The following SPC24 variants were observed in gnomAD, a reference collection of about 807,000 sequenced individuals.
SPC24 encodes the protein kinetochore protein Spc24.
Under a neutral mutation model 27.6 loss-of-function variants are expected in SPC24, and 31 were observed. The ratio of observed to expected loss-of-function variants is 1.12; its 90% CI spans 0.84 to 1.52. SPC24 has a LOEUF of 1.52. Among genes scored for constraint, SPC24 ranks in the 40% most tolerant of loss-of-function variants. SPC24 has a pLI of 0.00. For missense variants in SPC24, 284 were observed against 252.5 expected, an observed-to-expected ratio of 1.12 and a Z score of -0.84; for synonymous variants, 105 against 105.8, an observed-to-expected ratio of 0.99 and a Z score of 0.05.
chr19:11,155,544 G>A (rs955088638), intron 1 of SPC24, 73 bp downstream of exon 1: 34 of 1,471,580 alleles, frequency 2.3e-5, no homozygotes, highest in Non-Finnish European at 2.7e-5. Context: ...GGGTTTTGAG[G>A]TGGGCCTGGT....
chr19:11,151,228 A>G (rs931991589), intron 1 of SPC24, among the ~76,000 whole-genome samples: 1 of 150,642 alleles, frequency 6.6e-6, no homozygotes, highest in Non-Finnish European at 1.5e-5. Context: ...AACTTACATT[A>G]TTTTTAATCA....
At position 11,147,288 on chromosome 19, in the gene SPC24, G is replaced by A. The variant is rs771902851; in HGVS notation, c.489C>T (p.Ile163=). 1 of 1,562,654 alleles carries A rather than the reference G, an allele frequency of 6.4e-7. No homozygotes were observed. Among genetic ancestry groups the A allele is most frequent in the African/African-American group, 1.4e-5 (1 of 73,740 alleles). The change falls in exon 5 of 5, where the codon ATC becomes ATT. Residue 163 remains isoleucine, a splice_region_variant and synonymous_variant. Coordinates refer to ENST00000592540, the MANE Select transcript of SPC24 (RefSeq NM_182513.4). ...GCTGGGCCACACTGGGGCCATGATG[G>A]ACTGAGGCACAGATGTAAGGAAAGC... ...YECEPGMVKG[I]HHGPSVAQPI...
rs750052220 is a variant in SPC24, at chr19:11,146,465, T to TTAAAAA, written c.*717_*718insTTTTTA. 1 of 43,072 alleles carries TTAAAAA rather than the reference T, an allele frequency of 2.3e-5. No individual in the cohort carries two copies. Among genetic ancestry groups the TTAAAAA allele is most frequent in the Non-Finnish European group, 3.9e-5 (1 of 25,318 alleles). The allele number at this position is 43,072 out of a possible 1,614,324, so 2.7% of individuals were successfully genotyped here. On this transcript the variant is annotated 3_prime_UTR_variant, in exon 5 of 5. Coordinates refer to ENST00000592540, the MANE Select transcript of SPC24 (RefSeq NM_182513.4). ...AAAATCAGGAGAAAAAGAAATCCAGTAAAAAAAAAAAAAAAAAAGGCCAGG... is the reference window on the plus strand; with the variant it reads ...AAAATCAGGAGAAAAAGAAATCCAGTTAAAAAAAAAAAAAAAAAAAAAAAGGCCAGG...
At chr19:11,154,187 G>A (rs1207311182) in intron 1 of SPC24, among the ~76,000 whole-genome samples, 1 of 152,168 alleles carries the variant, frequency 6.6e-6, no homozygotes, top group East Asian at 1.9e-4. Context: ...ATGGATGAAT[G>A]AATAAACACA....
rs761713632 is a variant in SPC24, at chr19:11,148,036, C to T, written c.387G>A (p.Thr129=). 55 of 1,613,760 alleles carry T rather than the reference C, an allele frequency of 3.4e-5. No homozygotes were observed. The highest frequency in any genetic ancestry group is 6.7e-5 in the East Asian group (3 of 44,878). ...ACACGGCCGAGGGGATTGTGACTGT[C>T]GTGTCCTCGTCGACCTCCTTCTCCT... ...ERQEKEVDED[T]TVTIPSAVYV... Residue 129 remains threonine (T), a synonymous_variant, in exon 3 of 5, where the codon ACG becomes ACA. Coordinates refer to ENST00000592540, the MANE Select transcript of SPC24 (RefSeq NM_182513.4).
chr19:11,152,823 G>C (rs910213830), intron 1 of SPC24, among the ~76,000 whole-genome samples: 1 of 152,006 alleles, frequency 6.6e-6, no homozygotes, highest in Non-Finnish European at 1.5e-5. Flanking sequence ...TCACATTCAG[G>C]ATAATATTCA....
In SPC24 at chr19:11,149,192, C is replaced by A. The variant is rs751263337; in HGVS notation, c.207G>T (p.Ala69=). ...CGCCTCCCTGGTGCACCTGCTCCTTCGCATTGAGAAGGCTCTGGGCCACTT... is the reference window on the plus strand; with the variant it reads ...CGCCTCCCTGGTGCACCTGCTCCTTAGCATTGAGAAGGCTCTGGGCCACTT... ...EKEVAQSLLN[A]KEQVHQGGVE... Residue 69 remains alanine, a synonymous_variant, in exon 2 of 5, where the codon GCG becomes GCT. Coordinates refer to ENST00000592540, the MANE Select transcript of SPC24 (RefSeq NM_182513.4). The A allele has an allele frequency of 7.1e-6, 11 of 1,550,764 alleles. No individual in the cohort carries two copies. In the South Asian group the frequency reaches 1.3e-4, roughly 18 times the overall value.
At chr19:11,147,770 C>T (rs199621762) in intron 4 of SPC24, 48 bp downstream of exon 4, 1 of 1,526,430 alleles carries the variant, frequency 6.6e-7, no homozygotes, top group Non-Finnish European at 9.0e-7. Context: ...CATTTTATGT[C>T]CCTACCTACA....
At chr19:11,149,008 A>G in intron 2 of SPC24, 86 bp downstream of exon 2, 1 of 1,314,802 alleles carries the variant, frequency 7.6e-7, no homozygotes, top group South Asian at 1.9e-5. Context: ...GGGCTTCCCA[A>G]AGTGCTGGGA....
Position 11,147,267 on chromosome 19 carries a change from G to A in SPC24, c.510C>T (p.Ala170=). 1 of 1,567,136 alleles carries A rather than the reference G, an allele frequency of 6.4e-7. No homozygotes were observed. Among genetic ancestry groups the A allele is most frequent in the East Asian group, 2.4e-5 (1 of 42,428 alleles). Residue 170 remains alanine, a synonymous_variant, in exon 5 of 5, where the codon GCC becomes GCT. Coordinates refer to ENST00000592540, the MANE Select transcript of SPC24 (RefSeq NM_182513.4). The part of the protein sequence containing the change: ...VKGIHHGPSV[A]QPIHLDSTQL... ...GGGTGCTGTCCAGGTGGATGGGCTGGGCCACACTGGGGCCATGATGGACTG... is the reference window on the plus strand; with the variant it reads ...GGGTGCTGTCCAGGTGGATGGGCTGAGCCACACTGGGGCCATGATGGACTG...
intron 1 of SPC24, among the ~76,000 whole-genome samples, chr19:11,150,429 T>C (rs2077862252): frequency 6.7e-6 from 1 of 150,268 alleles, no homozygotes; most frequent in African/African-American, 2.5e-5. Flanking sequence ...GAGGTTGCGG[T>C]GAGCCGACAT....
intron 1 of SPC24, 21 bp downstream of exon 1, chr19:11,155,596 C>T: frequency 6.5e-7 from 1 of 1,532,216 alleles, no homozygotes. Context: ...CGTGGGCCCG[C>T]GACCACGCTC....
Position 11,147,013 on chromosome 19 carries a change from G to A in SPC24, c.*170C>T. The A allele has an allele frequency of 2.3e-6, 1 of 432,100 alleles. No individual in the cohort carries two copies. The highest frequency in any genetic ancestry group is 4.2e-6 in the Non-Finnish European group (1 of 239,614). 26.8% of individuals were successfully genotyped at this position (432,100 alleles called of 1,614,324 possible). ...GAGAATCGCTTGAACCCAGGAGGCA[G>A]AGGTTGCTGTGAGCTGAGATTGTGC... On this transcript the variant is annotated 3_prime_UTR_variant, in exon 5 of 5. Coordinates refer to ENST00000592540, the MANE Select transcript of SPC24 (RefSeq NM_182513.4).
At position 11,149,224 on chromosome 19, in the gene SPC24, C is replaced by A; in HGVS notation, c.175G>T (p.Glu59Ter). 6.5e-7 allele frequency: 1 copy of A among 1,547,678 alleles called. No homozygotes were observed. Among genetic ancestry groups the A allele is most frequent in the South Asian group, 1.2e-5 (1 of 83,472 alleles). ...AGAAGGCTCTGGGCCACTTCCTTCT[C>A]CATGGTGAGGATCTCTGCAGGGTGG... ...EKQLREILTMEKEVAQSLLNA... is the reference protein window; with the variant it reads ...EKQLREILTM The change falls in exon 2 of 5, where the codon GAG becomes TAG. Residue 59 changes from glutamate to a stop codon, truncating the protein, a stop_gained. Coordinates refer to ENST00000592540, the MANE Select transcript of SPC24 (RefSeq NM_182513.4). LOFTEE classifies it high-confidence loss of function.
Position 11,147,908 on chromosome 19 carries a change from C to CAAAGAAAAA in SPC24, c.411-15_411-14insTTTTTCTTT. The CAAAGAAAAA allele has an allele frequency of 1.8e-6, 2 of 1,110,318 alleles. No individual in the cohort carries two copies. The highest frequency in any genetic ancestry group is 3.2e-5 in the Admixed American group (1 of 31,272). 68.8% of individuals were successfully genotyped at this position (1,110,318 alleles called of 1,614,324 possible). On this transcript the variant is annotated splice_polypyrimidine_tract_variant and intron_variant, in intron 3 of 4. Coordinates refer to ENST00000592540, the MANE Select transcript of SPC24 (RefSeq NM_182513.4). ...TGAGCCACGTACCTGTACAGGAAGA[C>CAAAGAAAAA]AAAAAAAAAAAAAAAAAAAAAAGAA...
chr19:11,154,732 C>A (rs10422673), intron 1 of SPC24, among the ~76,000 whole-genome samples: 1 of 151,934 alleles, frequency 6.6e-6, no homozygotes, highest in Non-Finnish European at 1.5e-5. Flanking sequence ...AAGTAGAACC[C>A]TGGTGGGTGC....
Position 11,148,104 on chromosome 19 carries a change from C to T in SPC24, c.319G>A (p.Glu107Lys). Residue 107 changes from glutamate (E) to lysine (K), a missense_variant, in exon 3 of 5, where the codon GAG becomes AAG. By Grantham distance (56) the Glu-to-Lys change is moderately conservative. Coordinates refer to ENST00000592540, the MANE Select transcript of SPC24 (RefSeq NM_182513.4). ...LKASLLQLTR[E>K]LEELKEIEAD... ...TCAATCTCCTTGAGCTCTTCCAGCT[C>T]TCTGGTGAGCTGAGTAGGGCAGGTC... The T allele has an allele frequency of 6.2e-7, 1 of 1,613,590 alleles. No homozygotes were observed. Among genetic ancestry groups the T allele is most frequent in the Non-Finnish European group, 8.5e-7 (1 of 1,179,692 alleles).
chr19:11,148,450 T>C (rs540465300), intron 2 of SPC24, among the ~76,000 whole-genome samples: 26 of 152,172 alleles, frequency 1.7e-4, no homozygotes, highest in African/African-American at 5.5e-4. Flanking sequence ...TCAACTGATC[T>C]GTCTGCTTCG....
At chr19:11,150,185 C>CAAAAAAAAAAAAA (rs770061574) in intron 1 of SPC24, among the ~76,000 whole-genome samples, 1 of 32,272 alleles carries the variant, frequency 3.1e-5, no homozygotes, top group Non-Finnish European at 5.8e-5. Flanking sequence ...AACTCCATCT[C>CAAAAAAAAAAAAA]AAAAAAAAAA....
Sources: allele counts gnomAD v4.1 joint callset (sites outside exome capture counted in the v4.1 genomes callset), GRCh38; gene constraint gnomAD v4.1.1; transcripts MANE v1.5; gene names NCBI Gene and HGNC (gene_info 2026-07-23, HGNC 2026-07-21).